Variants in DOCK7 observed in about 807,000 individuals in gnomAD.
DOCK7 encodes dedicator of cytokinesis 7.
In DOCK7, 138 loss-of-function variants were observed where a neutral mutation model predicts 271.0. The ratio of observed to expected loss-of-function variants is 0.51; its 90% CI spans 0.44 to 0.59. DOCK7 has a LOEUF of 0.59. Among genes scored for constraint, DOCK7 ranks in the 20% least tolerant of loss-of-function variants. The pLI is 0.00. For missense variants in DOCK7, 2,066 were observed against 2,592.4 expected, an observed-to-expected ratio of 0.80 and a Z score of 4.41; for synonymous variants, 823 against 876.1, an observed-to-expected ratio of 0.94 and a Z score of 1.07.
chr1:62,480,655 A>T (rs1427659665), intron 43 of DOCK7, among the ~76,000 whole-genome samples: 2 of 152,232 alleles, frequency 1.3e-5, no homozygotes, highest in Non-Finnish European at 2.9e-5. Flanking sequence ...GCGTTCATCC[A>T]TTCAAATACT....
Position 62,536,112 on chromosome 1 carries a change from GT to G in DOCK7, c.3472-481del, listed in dbSNP as rs879398902. Among the ~76,000 whole-genome samples the G allele has an allele frequency of 4.4e-3, 466 of 105,648 alleles. 8 individuals carry two copies. The highest frequency in any genetic ancestry group is 0.041 in the Admixed American group (429 of 10,438). The allele number at this position is 105,648 out of a possible 152,430, so 69.3% of individuals were successfully genotyped here. On this transcript the variant is annotated intron_variant, in intron 28 of 49. Coordinates refer to ENST00000635253, the MANE Select transcript of DOCK7 (RefSeq NM_001367561.1). ...AAATTACCATCATTTTGTTGTCTGAGTTTTTTTTTTAACATCTTAATACTTC... is the reference window on the plus strand; with the variant it reads ...AAATTACCATCATTTTGTTGTCTGAGTTTTTTTTTAACATCTTAATACTTC...
chr1:62,622,111 T>C (rs1054683531), intron 12 of DOCK7, among the ~76,000 whole-genome samples: 4 of 152,214 alleles, frequency 2.6e-5, no homozygotes, highest in African/African-American at 9.6e-5. Flanking sequence ...TCTTGAACTT[T>C]TGTCAGAGCT....
At chr1:62,547,304 A>T (rs1410458058) in intron 22 of DOCK7, among the ~76,000 whole-genome samples, 1 of 152,228 alleles carries the variant, frequency 6.6e-6, no homozygotes, top group Non-Finnish European at 1.5e-5. Context: ...AACAGCCCAC[A>T]TTTAAGCAAA....
In DOCK7 at chr1:62,538,029, G is replaced by C. The variant is rs2149390254; in HGVS notation, c.3333C>G (p.Pro1111=). The C allele has an allele frequency of 1.2e-6, 2 of 1,613,880 alleles. No homozygotes were observed. The change falls in exon 28 of 50, where the codon CCC becomes CCG. Residue 1111 remains proline, a synonymous_variant. Transcript: ENST00000635253. ...VSSKLYSLPN[P]SVLVSLRLDF... is the part of the protein sequence containing the mutation. ...CCAGCCTCAAGGACACCAGAACACT[G>C]GGATTCGGTAATGAGTAAAGCTTTG...
chr1:62,623,018 C>CT (rs1653482574), intron 12 of DOCK7, among the ~76,000 whole-genome samples: 1 of 152,170 alleles, frequency 6.6e-6, no homozygotes, highest in Admixed American at 6.5e-5. Context: ...AAGCGACCCC[C>CT]CAGCCTTGGC....
rs755874821 is a variant in DOCK7, at chr1:62,539,755, C to T, written c.3183G>A (p.Gln1061=). The change falls in exon 26 of 50, where the codon CAG becomes CAA. Residue 1061 remains glutamine (Q), a synonymous_variant. Coordinates refer to ENST00000635253, the MANE Select transcript of DOCK7 (RefSeq NM_001367561.1). ...GTGGGGAAAAAGTTATCATTACCTT[C>T]TGAAATCGTGAAACTATATCACTAG... ...TIASDIVSRF[Q]KDTEMVERLN... is the part of the protein sequence containing the mutation. 2.5e-6 allele frequency: 4 copies of T among 1,612,784 alleles called. No homozygotes were observed. The South Asian group carries it at 3.3e-5, about 13-fold the overall frequency.
intron 41 of DOCK7, among the ~76,000 whole-genome samples, chr1:62,490,009 TAATC>T (rs1240877672): frequency 6.6e-6 from 1 of 150,552 alleles, no homozygotes; most frequent in Non-Finnish European, 1.5e-5. Context: ...TATAATCACA[TAATC>T]AGAGTGAGAG....
intron 8 of DOCK7, among the ~76,000 whole-genome samples, chr1:62,635,849 A>C (rs1655201747): frequency 1.3e-5 from 2 of 152,024 alleles, no homozygotes; most frequent in African/African-American, 4.8e-5. Flanking sequence ...TCCTGGCCTC[A>C]AGCAATTCTC....
chr1:62,587,960 C>A (rs1212400423), intron 14 of DOCK7, among the ~76,000 whole-genome samples: 2 of 151,822 alleles, frequency 1.3e-5, no homozygotes, highest in African/African-American at 2.4e-5. Context: ...ATGATCTTTA[C>A]AATTAGAAAA....
intron 31 of DOCK7, among the ~76,000 whole-genome samples, chr1:62,515,962 T>C (rs953089147): frequency 2.6e-5 from 4 of 152,214 alleles, no homozygotes; most frequent in Admixed American, 2.6e-4. Context: ...GAGCTGGCAC[T>C]GTGGATCACT....
At chr1:62,540,169 A>ATT (rs111463668) in intron 25 of DOCK7, among the ~76,000 whole-genome samples, 3 of 145,222 alleles carry the variant, frequency 2.1e-5, no homozygotes, top group African/African-American at 7.5e-5. Context: ...CAACCTTTAA[A>ATT]TTTTTTTTTT....
intron 41 of DOCK7, among the ~76,000 whole-genome samples, chr1:62,490,858 TG>T (rs1435185383): frequency 9.2e-5 from 14 of 152,180 alleles, no homozygotes; most frequent in African/African-American, 3.1e-4. Context: ...GGAATTGGAA[TG>T]GTCAAGGTCC....
chr1:62,624,744 G>A (rs1306117229), intron 12 of DOCK7, among the ~76,000 whole-genome samples: 1 of 152,166 alleles, frequency 6.6e-6, no homozygotes, highest in Non-Finnish European at 1.5e-5. Flanking sequence ...GGGAAGCCGA[G>A]GAGGGTGGAT....
chr1:62,684,789 T>C (rs1173792755), intron 1 of DOCK7, among the ~76,000 whole-genome samples: 1 of 152,184 alleles, frequency 6.6e-6, no homozygotes, highest in Non-Finnish European at 1.5e-5. Flanking sequence ...ACATGCTGCT[T>C]TTCTATGGTG....
intron 37 of DOCK7, among the ~76,000 whole-genome samples, chr1:62,498,274 T>C (rs1646680580): frequency 6.6e-6 from 1 of 152,100 alleles, no homozygotes; most frequent in African/African-American, 2.4e-5. Flanking sequence ...GTTTGCCCAT[T>C]TCCTTCTTTC....
At chr1:62,552,615 C>T in intron 22 of DOCK7, 117 bp downstream of exon 22, 2 of 990,882 alleles carry the variant, frequency 2.0e-6, no homozygotes, top group Non-Finnish European at 2.8e-6. Context: ...TGTACAATTC[C>T]TTCCTAATTC....
At chr1:62,572,193 G>A (rs755296712) in intron 18 of DOCK7, among the ~76,000 whole-genome samples, 9 of 152,126 alleles carry the variant, frequency 5.9e-5, no homozygotes, top group African/African-American at 9.7e-5. Context: ...CGGGAAATAA[G>A]GTCCAACAAT....
intron 18 of DOCK7, among the ~76,000 whole-genome samples, chr1:62,573,017 C>A (rs1015522649): frequency 1.3e-5 from 2 of 152,118 alleles, no homozygotes; most frequent in African/African-American, 4.8e-5. Flanking sequence ...TACACAATTA[C>A]CTACATACAG....
At chr1:62,513,399 T>C (rs922212968) in intron 33 of DOCK7, 45 bp downstream of exon 33, 4 of 1,529,938 alleles carry the variant, frequency 2.6e-6, no homozygotes, top group Non-Finnish European at 2.6e-6. Context: ...CTAGCAACAA[T>C]GATCATTACA....
Sources: gnomAD v4.1 joint callset for allele counts (sites outside exome capture counted in the v4.1 genomes callset) on GRCh38, gnomAD v4.1.1 for gene constraint, MANE v1.5 for transcripts, NCBI Gene and HGNC (gene_info 2026-07-23, HGNC 2026-07-21) for gene names.